Variants in NUP107 observed in about 807,000 individuals in gnomAD.
NUP107 encodes nucleoporin 107.
In NUP107, 101 loss-of-function variants were observed where a neutral mutation model predicts 141.0. The ratio of observed to expected loss-of-function variants is 0.72; its 90% confidence interval spans 0.61 to 0.84. The LOEUF is 0.84. Among genes scored for constraint, NUP107 ranks in the 40% least tolerant of loss-of-function variants. The probability of loss-of-function intolerance (pLI) is 0.00; values close to 1 mark genes in which losing one functional copy is unlikely to be tolerated. For missense variants in NUP107, 941 were observed against 1,102.7 expected, an observed-to-expected ratio of 0.85 and a Z score of 2.08; for synonymous variants, 319 against 363.9, an observed-to-expected ratio of 0.88 and a Z score of 1.41.
intron 6 of NUP107, among the ~76,000 whole-genome samples, chr12:68,698,466 G>C (rs1187111306): frequency 6.6e-6 from 1 of 152,178 alleles, no homozygotes; most frequent in Non-Finnish European, 1.5e-5. Flanking sequence ...TTACCCAGGT[G>C]AGTTGAAAAC....
In NUP107 at chr12:68,735,302, CTTG is replaced by C; in HGVS notation, c.2466_2468del (p.Leu822del). 2 of 1,613,998 alleles carry C rather than the reference CTTG, an allele frequency of 1.2e-6. No individual in the cohort carries two copies. Among genetic ancestry groups the C allele is most frequent in the Non-Finnish European group, 1.7e-6 (2 of 1,179,948 alleles). On this transcript the variant is annotated inframe_deletion, in exon 26 of 28. Transcript: ENST00000229179. Reference sequence around the variant, plus strand: ...ATGTGAAGGAGAAAATGTATAACGTCTTGTTGTTTGTTGATGGAGGGTGGATGG... The same window carrying C: ...ATGTGAAGGAGAAAATGTATAACGTCTTGTTTGTTGATGGAGGGTGGATGG...
intron 17 of NUP107, among the ~76,000 whole-genome samples, chr12:68,724,675 G>A (rs1877486848): frequency 6.6e-6 from 1 of 152,096 alleles, no homozygotes; most frequent in African/African-American, 2.4e-5. Flanking sequence ...AGCTTCTCAG[G>A]AGGCTGAGGT....
At position 68,700,850 on chromosome 12, in the gene NUP107, A is replaced by G. The variant is rs780536025; in HGVS notation, c.677A>G (p.Tyr226Cys). 73 of 1,590,070 alleles carry G rather than the reference A, an allele frequency of 4.6e-5. No individual in the cohort carries two copies. The highest frequency in any genetic ancestry group is 6.1e-5 in the Non-Finnish European group (72 of 1,173,560). Residue 226 changes from tyrosine (Y) to cysteine (C), a missense_variant, in exon 7 of 28, where the codon TAT becomes TGT. Transcript: ENST00000229179. ...ACATGGAGGCTGCTGGCTTCTTTGTATAGGTAATGGCGTCTAGAATTCATA... is the reference window on the plus strand; with the variant it reads ...ACATGGAGGCTGCTGGCTTCTTTGTGTAGGTAATGGCGTCTAGAATTCATA... ...MVTWRLLASL[Y>C]RDRIQSALEE...
Position 68,735,332 on chromosome 12 carries a change from G to A in NUP107, c.2490G>A (p.Val830=). ...TGTTTGTTGATGGAGGGTGGATGGTGGATGTTAGAGAGGTAAGCTGTGTGC... is the reference window on the plus strand; with the variant it reads ...TGTTTGTTGATGGAGGGTGGATGGTAGATGTTAGAGAGGTAAGCTGTGTGC... ...VLLFVDGGWM[V]DVREDAKEDH... The change falls in exon 26 of 28, where the codon GTG becomes GTA. Residue 830 remains valine, a synonymous_variant. Coordinates refer to ENST00000229179, the MANE Select transcript of NUP107 (RefSeq NM_020401.4). 1.2e-6 allele frequency: 2 copies of A among 1,612,662 alleles called. No individual in the cohort carries two copies. Among genetic ancestry groups the A allele is most frequent in the Non-Finnish European group, 1.7e-6 (2 of 1,178,774 alleles).
chr12:68,726,175 CTTCA>C (rs1877556927), intron 18 of NUP107, among the ~76,000 whole-genome samples: 1 of 152,056 alleles, frequency 6.6e-6, no homozygotes, highest in Non-Finnish European at 1.5e-5. Context: ...TTTATGAGTT[CTTCA>C]TTGTCTTATA....
At chr12:68,732,450 T>G (rs1877871250) in intron 22 of NUP107, 187 bp from the exon 23 acceptor site, 1 of 461,276 alleles carries the variant, frequency 2.2e-6, no homozygotes, top group African/African-American at 2.0e-5. Flanking sequence ...TTTCTATAAT[T>G]TAATAGAGAG....
chr12:68,690,711 A>T lies in NUP107; in HGVS notation c.268A>T (p.Thr90Ser). The stretch of plus-strand genomic sequence containing the variant: ...AACAGGAGGGAAGTCGCCCCGACTT[A>T]CGCAGTCTTCAGGGTTCTTTGGAAA... Reference protein sequence around the residue: ...LGTGGKSPRLTQSSGFFGNLS... With the variant: ...LGTGGKSPRLSQSSGFFGNLS... Residue 90 changes from threonine to serine, a missense_variant, in exon 4 of 28, where the codon ACG becomes TCG. Coordinates refer to ENST00000229179, the MANE Select transcript of NUP107 (RefSeq NM_020401.4). 1 of 1,614,196 alleles carries T rather than the reference A, an allele frequency of 6.2e-7. No homozygotes were observed. Among genetic ancestry groups the T allele is most frequent in the Non-Finnish European group, 8.5e-7 (1 of 1,180,020 alleles).
intron 5 of NUP107, 152 bp from the exon 6 acceptor site, chr12:68,696,667 C>G: frequency 2.0e-6 from 1 of 496,500 alleles, no homozygotes; most frequent in South Asian, 2.9e-5. Flanking sequence ...GAGCTGAGAC[C>G]GTGCCATTGC....
At chr12:68,720,342 G>A (rs149466784) in intron 14 of NUP107, among the ~76,000 whole-genome samples, 1,609 of 152,262 alleles carry the variant, frequency 0.011, 12 homozygotes, top group Non-Finnish European at 0.014. Context: ...GGAATTGGAT[G>A]TCAGGGTGGT....
chr12:68,706,389 G>C, intron 8 of NUP107: 1 of 1,242,242 alleles, frequency 8.0e-7, no homozygotes, highest in Non-Finnish European at 1.2e-6. Context: ...GACAACAGTC[G>C]CTCCCTGGAC....
chr12:68,704,743 C>T (rs1247692727), intron 8 of NUP107, among the ~76,000 whole-genome samples: 1 of 152,026 alleles, frequency 6.6e-6, no homozygotes, highest in East Asian at 1.9e-4. Context: ...ACGTGAGCCA[C>T]CGTGCCTCGC....
chr12:68,741,663 T>C, intron 26 of NUP107, 150 bp from the exon 27 acceptor site: 1 of 583,002 alleles, frequency 1.7e-6, no homozygotes, highest in East Asian at 2.8e-5. Context: ...GTCATACCTC[T>C]CTGTAGTCTA....
chr12:68,699,930 TCTCA>T (rs1263018049), intron 6 of NUP107, among the ~76,000 whole-genome samples: 2 of 152,104 alleles, frequency 1.3e-5, no homozygotes, highest in African/African-American at 4.8e-5. Context: ...CTCCCCAGAG[TCTCA>T]CTCTGTCGCC....
intron 26 of NUP107, among the ~76,000 whole-genome samples, chr12:68,738,450 CAA>C (rs60283225): frequency 1.3e-4 from 12 of 89,570 alleles, no homozygotes; most frequent in Admixed American, 2.3e-4. Context: ...GACTCCGTCT[CAA>C]AAAAAAAAAA....
At chr12:68,731,333 C>A (rs1050637630) in intron 21 of NUP107, 73 bp downstream of exon 21, 82 of 1,400,064 alleles carry the variant, frequency 5.9e-5, no homozygotes, top group Non-Finnish European at 7.6e-5. Context: ...TAACATTTGT[C>A]CTTATAGTTT....
At chr12:68,694,057 C>G (rs562275559) in intron 5 of NUP107, among the ~76,000 whole-genome samples, 2 of 152,302 alleles carry the variant, frequency 1.3e-5, no homozygotes, top group East Asian at 3.9e-4. Flanking sequence ...TAACTTACCT[C>G]AAACCACCTG....
intron 5 of NUP107, among the ~76,000 whole-genome samples, chr12:68,695,633 T>C (rs1876017026): frequency 1.3e-5 from 2 of 151,596 alleles, no homozygotes; most frequent in African/African-American, 4.9e-5. Flanking sequence ...GAGTGGGGAG[T>C]TAATGTTTAT....
At position 68,689,011 on chromosome 12, in the gene NUP107, A is replaced by T; in HGVS notation, c.58A>T (p.Thr20Ser). ...SSPVIREAEV[T>S]RTARKQSAQK... The stretch of plus-strand genomic sequence containing the variant: ...CCCTGTAATCCGGGAGGCAGAGGTG[A>T]CACGGACTGCACGGAAACAGAGTGC... Residue 20 changes from threonine (T) to serine (S), a missense_variant, in exon 2 of 28, where the codon ACA becomes TCA. By Grantham distance (58) the Thr-to-Ser change is moderately conservative (BLOSUM62 1). Transcript: ENST00000229179. 1 of 1,613,836 alleles carries T rather than the reference A, an allele frequency of 6.2e-7. No individual in the cohort carries two copies. The highest frequency in any genetic ancestry group is 8.5e-7 in the Non-Finnish European group (1 of 1,179,816).
At chr12:68,711,846 A>C (rs942013154) in intron 10 of NUP107, among the ~76,000 whole-genome samples, 6 of 152,228 alleles carry the variant, frequency 3.9e-5, no homozygotes, top group African/African-American at 1.2e-4. Context: ...TTTATTCTAA[A>C]TGTGATGGGA....
Sources: allele counts gnomAD v4.1 joint callset (sites outside exome capture counted in the v4.1 genomes callset), GRCh38; gene constraint gnomAD v4.1.1; transcripts MANE v1.5; gene names NCBI Gene and HGNC (gene_info 2026-07-23, HGNC 2026-07-21).